The following SKAP2 variants were observed in gnomAD, a reference collection of about 807,000 sequenced individuals.
SKAP2 encodes the protein src kinase-associated phosphoprotein 2.
A neutral mutation model predicts 54.9 loss-of-function variants in SKAP2; 28 were observed. The ratio of observed to expected loss-of-function variants is 0.51; its 90% CI spans 0.38 to 0.70. SKAP2 has a LOEUF of 0.70. Ranked by LOEUF, SKAP2 falls within the 30% of genes least tolerant of loss-of-function variation. The pLI is 0.00. For synonymous variants in SKAP2, 137 were observed against 134.3 expected (o/e 1.02, Z -0.14); for missense variants, 356 against 424.1 (o/e 0.84, Z 1.41).
At chr7:26,727,281 A>G (rs1033058664) in intron 6 of SKAP2, among the ~76,000 whole-genome samples, 1 of 152,016 alleles carries the variant, frequency 6.6e-6, no homozygotes, top group Non-Finnish European at 1.5e-5. Context: ...AAATTCAGGA[A>G]CTAGAACATA....
At position 26,667,626 on chromosome 7, in the gene SKAP2, A is replaced by T. The variant is rs1786129720; in HGVS notation, c.*2040T>A. The T allele has an allele frequency of 6.6e-6, 1 of 152,618 alleles. No individual in the cohort carries two copies. Among genetic ancestry groups the T allele is most frequent in the African/African-American group, 2.4e-5 (1 of 41,440 alleles). 9.5% of individuals were successfully genotyped at this position (152,618 alleles called of 1,614,324 possible). On this transcript the variant is annotated 3_prime_UTR_variant, in exon 13 of 13. Coordinates refer to ENST00000345317, the MANE Select transcript of SKAP2 (RefSeq NM_003930.5). Reference sequence around the variant, plus strand: ...ATCTGGCTTGGAACTGTTGGTCATCAGTTGGCAAAGGACTCCCTCTCCTGG... The same window carrying T: ...ATCTGGCTTGGAACTGTTGGTCATCTGTTGGCAAAGGACTCCCTCTCCTGG...
rs567313830 is a variant in SKAP2, at chr7:26,833,972, A to G, written c.307+10058T>C. On this transcript the variant is annotated intron_variant, in intron 4 of 12. Coordinates refer to ENST00000345317, the MANE Select transcript of SKAP2 (RefSeq NM_003930.5). ...AGTAAAACACTCCTCAGCAAATGCAAAAGAACAGAAATCATAACAGTATCT... is the reference window on the plus strand; with the variant it reads ...AGTAAAACACTCCTCAGCAAATGCAGAAGAACAGAAATCATAACAGTATCT... Among the ~76,000 whole-genome samples the G allele has an allele frequency of 1.1e-4, 16 of 152,344 alleles. 1 individual carries two copies. In the South Asian group the frequency reaches 3.3e-3, roughly 32 times the overall value.
chr7:26,683,730 T>C (rs780088416), intron 11 of SKAP2, among the ~76,000 whole-genome samples: 2 of 152,196 alleles, frequency 1.3e-5, no homozygotes, highest in Non-Finnish European at 2.9e-5. Context: ...GTTCGATGAT[T>C]CTCTGTGTTA....
At chr7:26,788,310 T>TG (rs1267651066) in intron 4 of SKAP2, among the ~76,000 whole-genome samples, 1 of 152,148 alleles carries the variant, frequency 6.6e-6, no homozygotes, top group Non-Finnish European at 1.5e-5. Flanking sequence ...GCTGTGCCAC[T>TG]GGCTGTGATC....
intron 1 of SKAP2, among the ~76,000 whole-genome samples, chr7:26,860,721 A>T (rs1785256442): frequency 6.6e-6 from 1 of 151,980 alleles, no homozygotes; most frequent in Non-Finnish European, 1.5e-5. Flanking sequence ...TATACTCAGC[A>T]TTGAAAAAAT....
intron 6 of SKAP2, among the ~76,000 whole-genome samples, chr7:26,735,657 T>C (rs1197460685): frequency 6.6e-6 from 1 of 152,204 alleles, no homozygotes; most frequent in Non-Finnish European, 1.5e-5. Context: ...TAAATCCTAC[T>C]TAGTTGGAGG....
At chr7:26,686,801 AAGGCCTTCCCCCACAGTAACATGCG>A (rs2127938198) in intron 10 of SKAP2, among the ~76,000 whole-genome samples, 1 of 152,230 alleles carries the variant, frequency 6.6e-6, no homozygotes, top group Non-Finnish European at 1.5e-5. Flanking sequence ...TTTCACATGC[AAGGCCTTCCCCCACAGTAACATGCG>A]AGGCCCTCCC....
intron 4 of SKAP2, among the ~76,000 whole-genome samples, chr7:26,741,419 A>G (rs1782448173): frequency 6.6e-6 from 1 of 151,684 alleles, no homozygotes; most frequent in African/African-American, 2.4e-5. Context: ...GTGGAGGAGG[A>G]GGGTAGAGGT....
chr7:26,769,846 C>T (rs1015494688), intron 4 of SKAP2, among the ~76,000 whole-genome samples: 4 of 152,138 alleles, frequency 2.6e-5, no homozygotes, highest in Non-Finnish European at 5.9e-5. Context: ...AGAGGGCACC[C>T]GCCAGATGCC....
chr7:26,856,646 GC>G (rs1240733605), intron 1 of SKAP2, among the ~76,000 whole-genome samples: 1 of 152,112 alleles, frequency 6.6e-6, no homozygotes, highest in Non-Finnish European at 1.5e-5. Context: ...AAGATCACTG[GC>G]TCCCCTGAGA....
intron 4 of SKAP2, among the ~76,000 whole-genome samples, chr7:26,815,887 G>A (rs1187187728): frequency 6.6e-6 from 1 of 152,026 alleles, no homozygotes; most frequent in Admixed American, 6.6e-5. Context: ...TTGATAACCT[G>A]ACCCAACTGC....
chr7:26,683,535 T>TGGAAGGAAGGAAGGAAGGAAGGAAGGAA lies in SKAP2; in HGVS notation c.987+1173_987+1200dup, dbSNP rs145108418. On this transcript the variant is annotated intron_variant, in intron 11 of 12. Coordinates refer to ENST00000345317, the MANE Select transcript of SKAP2 (RefSeq NM_003930.5). ...CTGCAGGTGCTTTATGATGGATGGA[T>TGGAAGGAAGGAAGGAAGGAAGGAAGGAA]GGAAGGAAGGAAGGAAGGAAGGAAG... Among the ~76,000 whole-genome samples the TGGAAGGAAGGAAGGAAGGAAGGAAGGAA allele has an allele frequency of 1.7e-3, 244 of 147,160 alleles. 1 individual carries two copies. The highest frequency in any genetic ancestry group is 5.7e-3 in the African/African-American group (225 of 39,448).
At chr7:26,724,147 C>T (rs1477252939) in intron 9 of SKAP2, among the ~76,000 whole-genome samples, 3 of 152,038 alleles carry the variant, frequency 2.0e-5, no homozygotes, top group Non-Finnish European at 4.4e-5. Flanking sequence ...TAGATGCATA[C>T]ATAGTTTTTA....
intron 1 of SKAP2, 134 bp downstream of exon 1, chr7:26,864,229 G>T: frequency 9.5e-7 from 1 of 1,047,456 alleles, no homozygotes. Context: ...TCCTCCCTGT[G>T]CCGACCCCAC....
intron 4 of SKAP2, among the ~76,000 whole-genome samples, chr7:26,820,830 G>T (rs1406218910): frequency 1.3e-5 from 2 of 152,122 alleles, no homozygotes; most frequent in Admixed American, 1.3e-4. Context: ...AAGAAAATAT[G>T]TACTAAAATC....
intron 10 of SKAP2, among the ~76,000 whole-genome samples, chr7:26,689,598 C>A (rs1414068183): frequency 1.3e-5 from 2 of 152,164 alleles, no homozygotes; most frequent in African/African-American, 4.8e-5. Flanking sequence ...GTGTCCTTTT[C>A]CAATTTTTAA....
chr7:26,742,609 T>C (rs1241998369), intron 4 of SKAP2: 1 of 152,182 alleles, frequency 6.6e-6, no homozygotes, highest in Non-Finnish European at 1.5e-5. Flanking sequence ...ATAAAATCTT[T>C]GATTTCTTCC....
chr7:26,691,428 T>C (rs1786777107), intron 9 of SKAP2, among the ~76,000 whole-genome samples: 1 of 152,200 alleles, frequency 6.6e-6, no homozygotes, highest in South Asian at 2.1e-4. Flanking sequence ...AATCATAATT[T>C]CAAGAAAACT....
intron 9 of SKAP2, among the ~76,000 whole-genome samples, chr7:26,721,100 T>C (rs1787567137): frequency 6.6e-6 from 1 of 152,180 alleles, no homozygotes; most frequent in Non-Finnish European, 1.5e-5. Flanking sequence ...TGAAAATTAA[T>C]TGACATCTTT....
Sources: gnomAD v4.1 joint callset for allele counts (sites outside exome capture counted in the v4.1 genomes callset) on GRCh38, gnomAD v4.1.1 for gene constraint, MANE v1.5 for transcripts, NCBI Gene and HGNC (gene_info 2026-07-23, HGNC 2026-07-21) for gene names.